Variants in ROBO1 observed in about 807,000 individuals in gnomAD.
ROBO1 encodes roundabout homolog 1.
ROBO1 carries 149 observed loss-of-function variants against 195.9 expected under a neutral mutation model. The ratio of observed to expected loss-of-function variants is 0.76; its 90% CI spans 0.67 to 0.87. The LOEUF (loss-of-function observed/expected upper bound fraction) is 0.87. Among genes scored for constraint, ROBO1 ranks in the 40% least tolerant of loss-of-function variants. The probability of loss-of-function intolerance (pLI) is 0.00; values close to 1 mark genes in which losing one functional copy is unlikely to be tolerated. For synonymous variants in ROBO1, 816 were observed against 733.2 expected, an observed-to-expected ratio of 1.11 and a Z score of -1.82; for missense variants, 1,933 against 2,068.3, an observed-to-expected ratio of 0.93 and a Z score of 1.27.
At chr3:78,608,721 G>A (rs1033960153) in intron 28 of ROBO1, among the ~76,000 whole-genome samples, 3 of 152,142 alleles carry the variant, frequency 2.0e-5, no homozygotes, top group Non-Finnish European at 2.9e-5. Flanking sequence ...TTCAGATGGA[G>A]AGGAAAAGAT....
At chr3:78,807,466 T>C (rs1419360317) in intron 4 of ROBO1, among the ~76,000 whole-genome samples, 2 of 152,198 alleles carry the variant, frequency 1.3e-5, no homozygotes, top group African/African-American at 4.8e-5. Context: ...CTGTCATTCT[T>C]TTCTTCTTTT....
At chr3:79,701,847 T>A (rs1375757845) in intron 1 of ROBO1, among the ~76,000 whole-genome samples, 1 of 151,794 alleles carries the variant, frequency 6.6e-6, no homozygotes, top group Non-Finnish European at 1.5e-5. Context: ...ATATTTTGGA[T>A]ATATTATATC....
In ROBO1 at chr3:78,770,874, G is replaced by C. The variant is rs569160544; in HGVS notation, c.500-23974C>G. Among the ~76,000 whole-genome samples the C allele has an allele frequency of 8.5e-5, 13 of 152,056 alleles. No homozygotes were observed. In the East Asian group the frequency reaches 2.5e-3, roughly 29 times the overall value. On this transcript the variant is annotated intron_variant, in intron 4 of 30. Coordinates refer to ENST00000464233, the MANE Select transcript of ROBO1 (RefSeq NM_002941.4). ...GAGCCCAGTGATTCAAGACCAACCT[G>C]GGCAACAGAGTAAGACCTTGTCTCT...
At chr3:79,179,644 A>T (rs1412091941) in intron 2 of ROBO1, among the ~76,000 whole-genome samples, 1 of 152,208 alleles carries the variant, frequency 6.6e-6, no homozygotes. Flanking sequence ...GAATCAGTGA[A>T]CTTTGGGGAA....
At chr3:79,109,634 GCGTTACA>G (rs752324402) in intron 3 of ROBO1, among the ~76,000 whole-genome samples, 3 of 151,874 alleles carry the variant, frequency 2.0e-5, no homozygotes, top group Non-Finnish European at 4.4e-5. Flanking sequence ...TAAATCTAAA[GCGTTACA>G]CTTAAGAAAT....
intron 2 of ROBO1, among the ~76,000 whole-genome samples, chr3:79,222,542 A>C (rs1342237902): frequency 6.6e-6 from 1 of 151,886 alleles, no homozygotes; most frequent in Non-Finnish European, 1.5e-5. Flanking sequence ...GCCAGGTAAA[A>C]TTTACTATGA....
chr3:79,297,818 T>G (rs763716124), intron 2 of ROBO1, among the ~76,000 whole-genome samples: 1 of 152,126 alleles, frequency 6.6e-6, no homozygotes, highest in Non-Finnish European at 1.5e-5. Flanking sequence ...TGCTAGGATT[T>G]TCTTTTAATA....
chr3:78,951,968 G>T, intron 3 of ROBO1, among the ~76,000 whole-genome samples: 1 of 151,578 alleles, frequency 6.6e-6, no homozygotes, highest in East Asian at 1.9e-4. Flanking sequence ...TGTATTAAAA[G>T]AATTATATAT....
chr3:78,980,446 T>A (rs1386875354), intron 3 of ROBO1, among the ~76,000 whole-genome samples: 1 of 152,192 alleles, frequency 6.6e-6, no homozygotes, highest in African/African-American at 2.4e-5. Context: ...CTAAATATTT[T>A]AAAAATATAA....
At chr3:79,244,477 T>A (rs368195421) in intron 2 of ROBO1, among the ~76,000 whole-genome samples, 1 of 152,200 alleles carries the variant, frequency 6.6e-6, no homozygotes, top group East Asian at 1.9e-4. Flanking sequence ...TTGAAAACTA[T>A]TTCAAGCACT....
intron 1 of ROBO1, among the ~76,000 whole-genome samples, chr3:79,691,860 T>C (rs911787446): frequency 6.6e-6 from 1 of 151,986 alleles, no homozygotes; most frequent in Non-Finnish European, 1.5e-5. Context: ...TGTTGCTGTT[T>C]CAGTCATAGA....
intron 3 of ROBO1, among the ~76,000 whole-genome samples, chr3:79,029,433 T>G (rs1351143756): frequency 6.6e-6 from 1 of 152,116 alleles, no homozygotes; most frequent in East Asian, 1.9e-4. Flanking sequence ...TGGTGAATAT[T>G]TATCAGTTTA....
chr3:79,125,928 A>G (rs571530952), intron 2 of ROBO1, among the ~76,000 whole-genome samples: 4 of 152,102 alleles, frequency 2.6e-5, no homozygotes, highest in Non-Finnish European at 4.4e-5. Flanking sequence ...TTGTTAATCA[A>G]AGCTATTGAC....
At chr3:79,245,757 A>G (rs1041896998) in intron 2 of ROBO1, among the ~76,000 whole-genome samples, 2 of 152,028 alleles carry the variant, frequency 1.3e-5, no homozygotes, top group South Asian at 2.1e-4. Context: ...ATGCTTTATC[A>G]TGCCTAATGA....
chr3:79,628,578 T>A (rs1218945796), intron 1 of ROBO1, among the ~76,000 whole-genome samples: 2 of 152,110 alleles, frequency 1.3e-5, no homozygotes, highest in Admixed American at 6.6e-5. Flanking sequence ...AACCTGTACG[T>A]TCTGCACATG....
intron 3 of ROBO1, among the ~76,000 whole-genome samples, chr3:79,031,142 G>C (rs2078289475): frequency 6.6e-6 from 1 of 152,194 alleles, no homozygotes; most frequent in Admixed American, 6.5e-5. Flanking sequence ...GTAAGCTATT[G>C]AGAGTTAATC....
At chr3:79,755,268 G>A (rs1182887421) in intron 1 of ROBO1, among the ~76,000 whole-genome samples, 1 of 152,048 alleles carries the variant, frequency 6.6e-6, no homozygotes, top group Non-Finnish European at 1.5e-5. Context: ...TTCTAAATTA[G>A]AATATTATTC....
At chr3:79,016,504 T>C (rs963061427) in intron 3 of ROBO1, among the ~76,000 whole-genome samples, 1 of 152,156 alleles carries the variant, frequency 6.6e-6, no homozygotes, top group Non-Finnish European at 1.5e-5. Context: ...TTGTCTCATA[T>C]CTATTCAAAT....
chr3:79,324,987 A>C (rs762614347), intron 2 of ROBO1, among the ~76,000 whole-genome samples: 1 of 152,232 alleles, frequency 6.6e-6, no homozygotes, highest in African/African-American at 2.4e-5. Flanking sequence ...GAGCATGGAC[A>C]GAGTCAATAG....
Sources: allele counts gnomAD v4.1 joint callset (sites outside exome capture counted in the v4.1 genomes callset), GRCh38; gene constraint gnomAD v4.1.1; transcripts MANE v1.5; gene names NCBI Gene and HGNC (gene_info 2026-07-23, HGNC 2026-07-21).